Variants in HFM1 observed in about 807,000 individuals in gnomAD.
HFM1 encodes the protein probable ATP-dependent DNA helicase HFM1.
Under a neutral mutation model 192.1 loss-of-function variants are expected in HFM1, and 169 were observed. The ratio of observed to expected loss-of-function variants is 0.88; its 90% confidence interval spans 0.78 to 1.00. The LOEUF is 1.00. HFM1 is among the 50% of genes least tolerant of loss of function. The probability of loss-of-function intolerance (pLI) is 0.00; values close to 1 mark genes in which losing one functional copy is unlikely to be tolerated. For synonymous variants in HFM1, 525 were observed against 537.8 expected, an observed-to-expected ratio of 0.98 and a Z score of 0.33; for missense variants, 1,661 against 1,668.0, an observed-to-expected ratio of 1.00 and a Z score of 0.07.
intron 21 of HFM1, 38 bp from the exon 22 acceptor site, chr1:91,323,237 A>G: frequency 9.4e-7 from 1 of 1,065,112 alleles, no homozygotes; most frequent in Non-Finnish European, 1.4e-6. Context: ...AATGAAGTCT[A>G]TTTTTTATTT....
rs751116446 is a variant in HFM1, at chr1:91,380,161, T to G, written c.949A>C (p.Ile317Leu). Residue 317 changes from isoleucine to leucine, a missense_variant, in exon 8 of 39, where the codon ATA (isoleucine) becomes CTA (leucine). By Grantham distance (5) the Ile-to-Leu change is conservative. Transcript: ENST00000370425. Reference protein sequence around the residue: ...SGKTVVFELAITRLLMEVPLP... With the variant: ...SGKTVVFELALTRLLMEVPLP... Reference sequence around the variant, plus strand: ...GGTACTTCCATTAACAATCTTGTTATAGCTAGTTCAAACACTACAGTTTTT... The same window carrying G: ...GGTACTTCCATTAACAATCTTGTTAGAGCTAGTTCAAACACTACAGTTTTT... The G allele has an allele frequency of 7.9e-6, 12 of 1,523,488 alleles. No homozygotes were observed. Among genetic ancestry groups the G allele is most frequent in the Non-Finnish European group, 7.2e-6 (8 of 1,107,246 alleles). 94.4% of individuals were successfully genotyped at this position (1,523,488 alleles called of 1,614,324 possible). A position where few individuals can be genotyped will look rare whatever the true frequency, so the allele number is the denominator to read the frequency against.
chr1:91,265,312 T>C (rs957032858), intron 36 of HFM1, among the ~76,000 whole-genome samples: 6 of 152,172 alleles, frequency 3.9e-5, no homozygotes, highest in Admixed American at 6.5e-5. Flanking sequence ...GAATTAGTTG[T>C]CAAAATTTAA....
chr1:91,273,657 T>A, intron 34 of HFM1, 55 bp downstream of exon 34: 2 of 901,436 alleles, frequency 2.2e-6, no homozygotes, highest in South Asian at 2.9e-5. Flanking sequence ...TACTCGTCAA[T>A]TCAAAGTAAT....
chr1:91,287,791 G>C (rs1557783263), intron 30 of HFM1, among the ~76,000 whole-genome samples: 2 of 151,674 alleles, frequency 1.3e-5, no homozygotes, highest in East Asian at 3.9e-4. Flanking sequence ...TGTATAACTA[G>C]AATAACCAAT....
At chr1:91,330,033 T>G (rs1182068178) in intron 20 of HFM1, among the ~76,000 whole-genome samples, 1 of 152,048 alleles carries the variant, frequency 6.6e-6, no homozygotes, top group Non-Finnish European at 1.5e-5. Context: ...CTGGAGCCCC[T>G]GGAGTTGACT....
intron 30 of HFM1, among the ~76,000 whole-genome samples, chr1:91,301,345 A>T (rs933814423): frequency 7.0e-6 from 1 of 143,364 alleles, no homozygotes; most frequent in Non-Finnish European, 1.5e-5. Flanking sequence ...TATCATGAAA[A>T]TGGCCATACT....
Position 91,380,137 on chromosome 1 carries a change from G to A in HFM1, c.973C>T (p.Pro325Ser). 6.9e-7 allele frequency: 1 copy of A among 1,456,854 alleles called. No individual in the cohort carries two copies. Among genetic ancestry groups the A allele is most frequent in the Non-Finnish European group, 9.5e-7 (1 of 1,057,850 alleles). 90.2% of individuals were successfully genotyped at this position (1,456,854 alleles called of 1,614,324 possible). A position where few individuals can be genotyped will look rare whatever the true frequency, so the allele number is the denominator to read the frequency against. Reference sequence around the variant, plus strand: ...ATTTTAATATTCAACCATGGCAATGGTACTTCCATTAACAATCTTGTTATA... The same window carrying A: ...ATTTTAATATTCAACCATGGCAATGATACTTCCATTAACAATCTTGTTATA... Reference protein sequence around the residue: ...LAITRLLMEVPLPWLNIKIVY... With the variant: ...LAITRLLMEVSLPWLNIKIVY... Residue 325 changes from proline (P) to serine (S), a missense_variant, in exon 8 of 39, where the codon CCA becomes TCA. By Grantham distance (74) the Pro-to-Ser change is moderately conservative. Coordinates refer to ENST00000370425, the MANE Select transcript of HFM1 (RefSeq NM_001017975.6).
At chr1:91,353,977 C>T (rs935553885) in intron 13 of HFM1, among the ~76,000 whole-genome samples, 15 of 145,240 alleles carry the variant, frequency 1.0e-4, no homozygotes, top group South Asian at 4.3e-4. Context: ...AACAAAGGAA[C>T]GCAATAATTC....
At chr1:91,353,425 T>G (rs1657233715) in intron 13 of HFM1, 126 bp from the exon 14 acceptor site, 2 of 532,670 alleles carry the variant, frequency 3.8e-6, no homozygotes, top group Non-Finnish European at 3.3e-6. Context: ...TGAAAACTAT[T>G]TTAAGAAGTA....
intron 9 of HFM1, 92 bp downstream of exon 9, chr1:91,378,971 T>C: frequency 1.5e-6 from 1 of 680,014 alleles, no homozygotes; most frequent in Non-Finnish European, 2.3e-6. Flanking sequence ...TATATGTTTC[T>C]AGTTTATATT....
In HFM1 at chr1:91,276,612, T is replaced by C; in HGVS notation, c.3588+16A>G. ...TTTAACTACAGAACAATGGGAAAAA[T>C]GTTATTAAAACTAACCTTCAGACGT... On this transcript the variant is annotated intron_variant, in intron 32 of 38. Coordinates refer to ENST00000370425, the MANE Select transcript of HFM1 (RefSeq NM_001017975.6). 1 of 1,239,550 alleles carries C rather than the reference T, an allele frequency of 8.1e-7. No individual in the cohort carries two copies. Among genetic ancestry groups the C allele is most frequent in the East Asian group, 2.4e-5 (1 of 41,316 alleles). 76.8% of individuals were successfully genotyped at this position (1,239,550 alleles called of 1,614,324 possible).
rs542332115 is a variant in HFM1, at chr1:91,325,330, C to G, written c.2336-564G>C. Among the ~76,000 whole-genome samples the G allele has an allele frequency of 6.6e-5, 10 of 152,280 alleles. No individual in the cohort carries two copies. In the East Asian group the frequency reaches 1.9e-3, roughly 29 times the overall value. ...CACACCCAGGACCTGGGGGAACTCA[C>G]CATCCCGAAGTGAAAGGCCTTGGGA... On this transcript the variant is annotated intron_variant, in intron 20 of 38. Transcript: ENST00000370425.
At chr1:91,324,809 G>C (rs1431496915) in intron 20 of HFM1, 43 bp from the exon 21 acceptor site, 2 of 1,014,018 alleles carry the variant, frequency 2.0e-6, no homozygotes, top group Non-Finnish European at 3.1e-6. Flanking sequence ...CTCATCAGCT[G>C]AACCAACTGT....
intron 2 of HFM1, 60 bp downstream of exon 2, chr1:91,400,952 C>T (rs1463609554): frequency 4.0e-6 from 3 of 747,226 alleles, no homozygotes; most frequent in South Asian, 1.9e-5. Context: ...CTAAAACTCA[C>T]CCAAATTCAA....
intron 13 of HFM1, among the ~76,000 whole-genome samples, chr1:91,358,581 C>G (rs923653945): frequency 1.3e-5 from 2 of 152,078 alleles, no homozygotes; most frequent in African/African-American, 4.8e-5. Context: ...GCTGGAAAAA[C>G]AATTTCCATA....
At chr1:91,348,752 T>G (rs928911827) in intron 18 of HFM1, among the ~76,000 whole-genome samples, 8 of 151,990 alleles carry the variant, frequency 5.3e-5, no homozygotes, top group African/African-American at 1.9e-4. Flanking sequence ...AAGCTCTGCC[T>G]CTACAATTTT....
Position 91,268,039 on chromosome 1 carries a change from C to T in HFM1, c.3773-184G>A, listed in dbSNP as rs576639301. 2.6e-5 allele frequency among the ~76,000 whole-genome samples: 4 copies of T among 152,128 alleles called. No homozygotes were observed. In the East Asian group the frequency reaches 7.7e-4, roughly 29 times the overall value. Reference sequence around the variant, plus strand: ...TAGGTACTTTTTAAACCACAAGCATCGTAGTCTATTGATATATCAAACACA... The same window carrying T: ...TAGGTACTTTTTAAACCACAAGCATTGTAGTCTATTGATATATCAAACACA... On this transcript the variant is annotated intron_variant, in intron 34 of 38. Coordinates refer to ENST00000370425, the MANE Select transcript of HFM1 (RefSeq NM_001017975.6).
intron 30 of HFM1, among the ~76,000 whole-genome samples, chr1:91,303,450 T>C (rs893120483): frequency 6.6e-6 from 1 of 152,232 alleles, no homozygotes; most frequent in Non-Finnish European, 1.5e-5. Context: ...GTTTGGGCTA[T>C]TATAAATAAT....
chr1:91,298,350 T>C (rs1234566620), intron 30 of HFM1, among the ~76,000 whole-genome samples: 4 of 152,198 alleles, frequency 2.6e-5, no homozygotes, highest in Non-Finnish European at 4.4e-5. Flanking sequence ...TGGAACCAAG[T>C]TGGAAAACGC....
Sources: allele counts gnomAD v4.1 joint callset (sites outside exome capture counted in the v4.1 genomes callset), GRCh38; gene constraint gnomAD v4.1.1; transcripts MANE v1.5; gene names NCBI Gene and HGNC (gene_info 2026-07-23, HGNC 2026-07-21).